MALT1: variants seen among roughly 807,000 people sequenced by gnomAD.
MALT1 encodes mucosa-associated lymphoid tissue lymphoma translocation protein 1.
A neutral mutation model predicts 85.5 loss-of-function variants in MALT1; 36 were observed. The observed-to-expected ratio is 0.42, with a 90% CI of 0.32 to 0.56. MALT1 has a LOEUF of 0.56. Ranked by LOEUF, MALT1 falls within the 20% of genes least tolerant of loss-of-function variation. MALT1 has a pLI of 0.10. For synonymous variants in MALT1, 359 were observed against 361.3 expected (o/e 0.99, Z 0.07); for missense variants, 716 against 981.6 (o/e 0.73, Z 3.62).
chr18:58,745,532 T>C (rs1050902639), intron 15 of MALT1, 134 bp from the exon 16 acceptor site: 1 of 667,316 alleles, frequency 1.5e-6, no homozygotes, highest in African/African-American at 1.8e-5. Context: ...CCTGGATAAT[T>C]TTGGGATTAC....
chr18:58,679,648 G>A (rs1443781295), intron 1 of MALT1, among the ~76,000 whole-genome samples: 1 of 152,164 alleles, frequency 6.6e-6, no homozygotes, highest in Admixed American at 6.5e-5. Context: ...CCGCCTCCTG[G>A]GTTCAAGCGA....
rs765882692 is a variant in MALT1, at chr18:58,754,393, C to G, written c.*6551C>G. On this transcript the variant is annotated 3_prime_UTR_variant, in exon 17 of 17. Coordinates refer to ENST00000649217, the MANE Select transcript of MALT1 (RefSeq NM_006785.4). Reference sequence around the variant, plus strand: ...AGGATTTGACCTGAAGTTAATGTTGCTACATTATGCTCAATACAGCAGGCT... The same window carrying G: ...AGGATTTGACCTGAAGTTAATGTTGGTACATTATGCTCAATACAGCAGGCT... 11 of 152,192 alleles carry G rather than the reference C, an allele frequency of 7.2e-5. No homozygotes were observed. Among genetic ancestry groups the G allele is most frequent in the Non-Finnish European group, 1.5e-4 (10 of 68,050 alleles). The allele number at this position is 152,192 out of a possible 1,614,324, so 9.4% of individuals were successfully genotyped here.
chr18:58,673,258 A>G (rs2054193092), intron 1 of MALT1, among the ~76,000 whole-genome samples: 1 of 152,248 alleles, frequency 6.6e-6, no homozygotes, highest in African/African-American at 2.4e-5. Context: ...CAAATATTCA[A>G]TTCCTAATCA....
chr18:58,675,458 A>C (rs1847802955), intron 1 of MALT1: 1 of 152,238 alleles, frequency 6.6e-6, no homozygotes, highest in Non-Finnish European at 1.5e-5. Context: ...CTACAAAAAA[A>C]CAAAAAATTA....
intron 3 of MALT1, among the ~76,000 whole-genome samples, chr18:58,698,889 T>A (rs149601799): frequency 3.3e-5 from 5 of 152,344 alleles, no homozygotes; most frequent in African/African-American, 9.6e-5. Flanking sequence ...TCCTCTTCAT[T>A]GTGACCGTAA....
intron 16 of MALT1, 90 bp from the exon 17 acceptor site, chr18:58,747,314 TG>T: frequency 1.3e-6 from 1 of 788,518 alleles, no homozygotes; most frequent in Non-Finnish European, 2.1e-6. Context: ...AGTGGATTTT[TG>T]GGGGTGGGGG....
intron 4 of MALT1, among the ~76,000 whole-genome samples, chr18:58,704,801 T>C (rs2054723062): frequency 6.6e-6 from 1 of 151,590 alleles, no homozygotes; most frequent in Non-Finnish European, 1.5e-5. Flanking sequence ...TTCATTCTTT[T>C]AGTTTGGAAT....
At chr18:58,715,792 TCAAGAG>T in intron 8 of MALT1, 137 bp from the exon 9 acceptor site, 1 of 669,822 alleles carries the variant, frequency 1.5e-6, no homozygotes, top group Non-Finnish European at 2.6e-6. Context: ...TTTTTTCCAT[TCAAGAG>T]TGTTTTTATT....
intron 2 of MALT1, among the ~76,000 whole-genome samples, chr18:58,696,115 C>T (rs1369173127): frequency 1.3e-5 from 2 of 152,172 alleles, no homozygotes; most frequent in African/African-American, 4.8e-5. Context: ...AAATAATTTT[C>T]TCCCCCACCC....
At chr18:58,714,049 ATTAC>A (rs772157452) in intron 7 of MALT1, 30 bp from the exon 8 acceptor site, 2 of 1,050,360 alleles carry the variant, frequency 1.9e-6, no homozygotes, top group Non-Finnish European at 2.9e-6. Flanking sequence ...TGGTGTTTAG[ATTAC>A]TTAATCTATT....
Position 58,749,406 on chromosome 18 carries a change from A to C in MALT1, c.*1564A>C. 4.6e-6 allele frequency: 1 copy of C among 215,156 alleles called. No homozygotes were observed. The highest frequency in any genetic ancestry group is 6.9e-5 in the East Asian group (1 of 14,484). 13.3% of individuals were successfully genotyped at this position (215,156 alleles called of 1,614,324 possible). On this transcript the variant is annotated 3_prime_UTR_variant, in exon 17 of 17. Transcript: ENST00000649217. ...GTGTCAGAGCTGAAATTCAAACCCCATCCAGCTGGCCCCGGAGCCAGAGCT... is the reference window on the plus strand; with the variant it reads ...GTGTCAGAGCTGAAATTCAAACCCCCTCCAGCTGGCCCCGGAGCCAGAGCT...
Position 58,701,708 on chromosome 18 carries a change from G to A in MALT1, c.649+1117G>A, listed in dbSNP as rs543881451. On this transcript the variant is annotated intron_variant, in intron 4 of 16. Transcript: ENST00000649217. Reference sequence around the variant, plus strand: ...ACACAACTATCAGGAAAGATTATCTGCTACAACAGAAAGCAGGAAGACTTT... The same window carrying A: ...ACACAACTATCAGGAAAGATTATCTACTACAACAGAAAGCAGGAAGACTTT... Among the ~76,000 whole-genome samples, 89 of 152,290 alleles carry A rather than the reference G, an allele frequency of 5.8e-4. 1 individual carries two copies. Among genetic ancestry groups the A allele is most frequent in the Non-Finnish European group, 7.5e-4 (51 of 68,018 alleles).
intron 2 of MALT1, chr18:58,691,195 A>G: frequency 6.7e-6 from 2 of 300,130 alleles, no homozygotes; most frequent in South Asian, 5.6e-5. Context: ...ACTGATCTTC[A>G]GGAATGCAAT....
chr18:58,714,168 A>T, intron 8 of MALT1, 59 bp downstream of exon 8: 2 of 834,444 alleles, frequency 2.4e-6, no homozygotes, highest in Non-Finnish European at 3.9e-6. Context: ...AATGCAGCAA[A>T]GTTACCGTAG....
At chr18:58,681,380 C>G (rs1602275555) in intron 2 of MALT1, 44 bp downstream of exon 2, 3 of 1,540,026 alleles carry the variant, frequency 1.9e-6, no homozygotes, top group Non-Finnish European at 2.6e-6. Flanking sequence ...TTCATGGAGC[C>G]AAACTTAGAA....
In MALT1 at chr18:58,750,244, G is replaced by A. The variant is rs187330507; in HGVS notation, c.*2402G>A. On this transcript the variant is annotated 3_prime_UTR_variant, in exon 17 of 17. Transcript: ENST00000649217. Reference sequence around the variant, plus strand: ...AGCATCAAGAATAAAACTCCAACACGTTTAAAGAAATTAAGATCCAGATAA... The same window carrying A: ...AGCATCAAGAATAAAACTCCAACACATTTAAAGAAATTAAGATCCAGATAA... 12 of 167,784 alleles carry A rather than the reference G, an allele frequency of 7.2e-5. No individual in the cohort carries two copies. Among genetic ancestry groups the A allele is most frequent in the Admixed American group, 5.1e-4 (8 of 15,636 alleles). The allele number at this position is 167,784 out of a possible 1,614,324, so 10.4% of individuals were successfully genotyped here.
At chr18:58,694,075 C>T (rs1227495331) in intron 2 of MALT1, among the ~76,000 whole-genome samples, 2 of 152,208 alleles carry the variant, frequency 1.3e-5, no homozygotes, top group African/African-American at 4.8e-5. Context: ...TTCCTACCAA[C>T]ATGTATCACA....
At chr18:58,714,800 GGATA>G (rs59570228) in intron 8 of MALT1, among the ~76,000 whole-genome samples, 83,805 of 151,586 alleles carry the variant, frequency 0.55, 27,252 homozygotes, top group Non-Finnish European at 0.72. Context: ...TGGAACCTGT[GGATA>G]GATCTGAAAA....
intron 9 of MALT1, among the ~76,000 whole-genome samples, chr18:58,721,273 G>A (rs544667574): frequency 6.6e-6 from 1 of 152,224 alleles, no homozygotes; most frequent in South Asian, 2.1e-4. Context: ...CAGCTACTCG[G>A]GAGGCTGAGG....
Sources: allele counts gnomAD v4.1 joint callset (sites outside exome capture counted in the v4.1 genomes callset), GRCh38; gene constraint gnomAD v4.1.1; transcripts MANE v1.5; gene names NCBI Gene and HGNC (gene_info 2026-07-23, HGNC 2026-07-21).